SULF1: variants seen among roughly 807,000 people sequenced by gnomAD.
SULF1 encodes extracellular sulfatase Sulf-1.
In SULF1, 46 loss-of-function variants were observed where a neutral mutation model predicts 110.5. That is an observed-to-expected ratio of 0.42 (90% CI 0.33 to 0.53). The LOEUF (loss-of-function observed/expected upper bound fraction) is 0.53. Among genes scored for constraint, SULF1 ranks in the 20% least tolerant of loss-of-function variants. The pLI is 0.12. For missense variants in SULF1, 941 were observed against 1,094.2 expected, an observed-to-expected ratio of 0.86 and a Z score of 1.98; for synonymous variants, 371 against 387.1, an observed-to-expected ratio of 0.96 and a Z score of 0.49.
rs1807981359 is a variant in SULF1 at position 69,603,307 on chromosome 8, A to G, written c.1177A>G (p.Lys393Glu). The G allele has an allele frequency of 6.2e-7, 1 of 1,614,126 alleles. No individual in the cohort carries two copies. The highest frequency in any genetic ancestry group is 8.5e-7 in the Non-Finnish European group (1 of 1,180,020). Reference sequence around the variant, plus strand: ...TGTCCTCAAACTTCTGGACCCAGAAAAGCCAGGTAACAGGTGTGTCATTGT... The same window carrying G: ...TGTCCTCAAACTTCTGGACCCAGAAGAGCCAGGTAACAGGTGTGTCATTGT... Reference protein sequence around the residue: ...KSVLKLLDPEKPGNRFRTNKK... With the variant: ...KSVLKLLDPEEPGNRFRTNKK... Residue 393 changes from lysine to glutamate, a missense_variant, in exon 11 of 23, where the codon AAG becomes GAG. Physicochemically the swap from Lys to Glu is moderately conservative, Grantham distance 56. Around this residue, in one of 3 missense-constraint regions of SULF1, gnomAD observed 822 missense variants for 934.3 expected, o/e 0.88. Transcript: ENST00000402687.
intron 1 of SULF1, among the ~76,000 whole-genome samples, chr8:69,479,989 T>C (rs62512972): frequency 2.0e-3 from 306 of 152,022 alleles, no homozygotes; most frequent in Non-Finnish European, 3.9e-3. Flanking sequence ...TGATTGGGAC[T>C]GGAACAAATA....
In SULF1 at chr8:69,542,811, G is replaced by A. The variant is rs190345035; in HGVS notation, c.-133-20728G>A. On this transcript the variant is annotated intron_variant, in intron 3 of 22. Coordinates refer to ENST00000402687, the MANE Select transcript of SULF1 (RefSeq NM_001128205.2). Reference sequence around the variant, plus strand: ...TGATAGAAAATGACGGAGCAGGAGTGAAGAGGAAGGTGGTGAAATTAACAG... The same window carrying A: ...TGATAGAAAATGACGGAGCAGGAGTAAAGAGGAAGGTGGTGAAATTAACAG... 1.4e-4 allele frequency among the ~76,000 whole-genome samples: 21 copies of A among 152,318 alleles called. No individual in the cohort carries two copies. In the East Asian group the frequency reaches 3.3e-3, roughly 24 times the overall value.
chr8:69,514,985 A>T (rs1448275314), intron 3 of SULF1, among the ~76,000 whole-genome samples: 1 of 151,890 alleles, frequency 6.6e-6, no homozygotes, highest in African/African-American at 2.4e-5. Context: ...CTGCTTTCAC[A>T]GGCTAGCATT....
chr8:69,611,510 T>C (rs1808653945), intron 13 of SULF1, among the ~76,000 whole-genome samples: 1 of 152,210 alleles, frequency 6.6e-6, no homozygotes, highest in Non-Finnish European at 1.5e-5. Flanking sequence ...CACTAATTCA[T>C]ATTTGTGAGA....
chr8:69,654,037 C>T (rs552701877), intron 22 of SULF1, among the ~76,000 whole-genome samples: 1 of 152,314 alleles, frequency 6.6e-6, no homozygotes, highest in South Asian at 2.1e-4. Context: ...TCAGGTTTGC[C>T]AGCTTCTGTT....
intron 5 of SULF1, among the ~76,000 whole-genome samples, chr8:69,575,369 A>C (rs1436162140): frequency 2.0e-5 from 3 of 152,180 alleles, no homozygotes; most frequent in Non-Finnish European, 2.9e-5. Flanking sequence ...GTCAAAATAT[A>C]AATTGATGTT....
At chr8:69,476,729 C>G (rs988584529) in intron 1 of SULF1, among the ~76,000 whole-genome samples, 5 of 152,190 alleles carry the variant, frequency 3.3e-5, no homozygotes, top group Non-Finnish European at 7.3e-5. Flanking sequence ...CACCTGTAAT[C>G]TATTTCTCAC....
intron 15 of SULF1, chr8:69,625,880 C>T (rs985167607): frequency 2.6e-5 from 4 of 152,266 alleles, no homozygotes; most frequent in African/African-American, 9.7e-5. Context: ...AGCGGAGTGG[C>T]CTGTTTTGAC....
intron 3 of SULF1, among the ~76,000 whole-genome samples, chr8:69,526,195 T>C (rs1329249954): frequency 1.3e-5 from 2 of 152,164 alleles, no homozygotes; most frequent in Non-Finnish European, 2.9e-5. Flanking sequence ...ACCTTCTCAC[T>C]GACCAGCATC....
Position 69,659,501 on chromosome 8 carries a change from A to G in SULF1, c.*966A>G, listed in dbSNP as rs59364549. On this transcript the variant is annotated 3_prime_UTR_variant, in exon 23 of 23. Transcript: ENST00000402687. Reference sequence around the variant, plus strand: ...CGGAGACTCATCGTTATAATTTACTATCTGCCAAGAGTAGAAAGAAAGGCT... The same window carrying G: ...CGGAGACTCATCGTTATAATTTACTGTCTGCCAAGAGTAGAAAGAAAGGCT... 5,665 of 260,888 alleles carry G rather than the reference A, an allele frequency of 0.022. 358 individuals are homozygous for G. The highest frequency in any genetic ancestry group is 0.12 in the African/African-American group (5,384 of 44,532). The allele number at this position is 260,888 out of a possible 1,614,324, so 16.2% of individuals were successfully genotyped here.
At position 69,559,490 on chromosome 8, in the gene SULF1, T is replaced by C. The variant is rs187488220; in HGVS notation, c.-133-4049T>C. 5.4e-3 allele frequency among the ~76,000 whole-genome samples: 825 copies of C among 152,368 alleles called. 2 individuals carry two copies. Among genetic ancestry groups the C allele is most frequent in the Admixed American group, 8.2e-3 (125 of 15,310 alleles). ...TATTGGGAGTCTGCCAAGTGTAGTA[T>C]ACAAGTTTTCCAGAATTCTAATTTT... On this transcript the variant is annotated intron_variant, in intron 3 of 22. Coordinates refer to ENST00000402687, the MANE Select transcript of SULF1 (RefSeq NM_001128205.2).
intron 7 of SULF1, among the ~76,000 whole-genome samples, chr8:69,587,914 A>G (rs764614070): frequency 3.6e-4 from 55 of 152,202 alleles, no homozygotes; most frequent in Non-Finnish European, 6.8e-4. Flanking sequence ...AAAGAATGAA[A>G]CAGACACTCC....
intron 3 of SULF1, among the ~76,000 whole-genome samples, chr8:69,560,699 G>A (rs893143903): frequency 8.5e-5 from 13 of 152,114 alleles, no homozygotes; most frequent in African/African-American, 3.1e-4. Context: ...GTCAAGCTCC[G>A]CATTTTGTCT....
chr8:69,520,338 C>T (rs115396896), intron 3 of SULF1, among the ~76,000 whole-genome samples: 148 of 152,012 alleles, frequency 9.7e-4, no homozygotes, highest in African/African-American at 3.4e-3. Context: ...AGGTTAAGAA[C>T]TCAGCTGTGA....
chr8:69,536,521 T>C (rs1813439359), intron 3 of SULF1, among the ~76,000 whole-genome samples: 1 of 152,216 alleles, frequency 6.6e-6, no homozygotes, highest in Non-Finnish European at 1.5e-5. Flanking sequence ...ACATCTTTGA[T>C]TGGCAAGACA....
chr8:69,599,345 T>C (rs1807593582), intron 8 of SULF1, among the ~76,000 whole-genome samples: 3 of 152,176 alleles, frequency 2.0e-5, no homozygotes, highest in Admixed American at 2.0e-4. Flanking sequence ...ATTTGTAAAG[T>C]TGTGGTTCTT....
At chr8:69,559,101 T>C (rs1212576460) in intron 3 of SULF1, among the ~76,000 whole-genome samples, 3 of 152,188 alleles carry the variant, frequency 2.0e-5, no homozygotes, top group Non-Finnish European at 4.4e-5. Context: ...AGTAATAAAA[T>C]CCAGAATCAC....
At chr8:69,596,928 C>T (rs1037738979) in intron 8 of SULF1, among the ~76,000 whole-genome samples, 1 of 152,156 alleles carries the variant, frequency 6.6e-6, no homozygotes, top group Non-Finnish European at 1.5e-5. Flanking sequence ...AAGTTGTTAT[C>T]CCCATTATAT....
chr8:69,570,902 G>A (rs1805183478), intron 5 of SULF1, among the ~76,000 whole-genome samples: 1 of 152,170 alleles, frequency 6.6e-6, no homozygotes, highest in Non-Finnish European at 1.5e-5. Context: ...CCTGTGGCCT[G>A]GACCTTCCCT....
Sources: allele counts gnomAD v4.1 joint callset (sites outside exome capture counted in the v4.1 genomes callset), GRCh38; gene constraint gnomAD v4.1.1; regional missense constraint gnomAD v4.1.1; transcripts MANE v1.5; gene names NCBI Gene and HGNC (gene_info 2026-07-23, HGNC 2026-07-21).